Variants in SYNJ1 observed in about 807,000 individuals in gnomAD.
The protein encoded by SYNJ1 is polyphosphatidylinositol phosphatase SYNJ1.
Under a neutral mutation model 168.2 loss-of-function variants are expected in SYNJ1, and 78 were observed. The observed-to-expected ratio is 0.46, with a 90% CI of 0.39 to 0.56. The LOEUF (loss-of-function observed/expected upper bound fraction) is 0.56, where lower values mean the gene tolerates loss of function less well. SYNJ1 is among the 20% of genes least tolerant of loss of function. The pLI, the probability that SYNJ1 is intolerant of heterozygous loss-of-function variation, is 0.00. For synonymous variants in SYNJ1, 539 were observed against 548.6 expected (o/e 0.98, Z 0.24); for missense variants, 1,303 against 1,597.6 (o/e 0.82, Z 3.14).
chr21:32,676,387 C>G, intron 12 of SYNJ1, 32 bp from the exon 13 acceptor site: 1 of 1,601,588 alleles, frequency 6.2e-7, no homozygotes, highest in Non-Finnish European at 8.5e-7. Flanking sequence ...AACAAAGAAT[C>G]ATTAGTAAAA....
intron 16 of SYNJ1, 110 bp from the exon 17 acceptor site, chr21:32,666,245 AG>A: frequency 6.9e-7 from 1 of 1,445,818 alleles, no homozygotes; most frequent in Non-Finnish European, 9.3e-7. Flanking sequence ...TGGTACTTTG[AG>A]GGCAAGCCTT....
Position 32,665,011 on chromosome 21 carries a change from C to T in SYNJ1, c.2206G>A (p.Asp736Asn), listed in dbSNP as rs139455432. The T allele has an allele frequency of 1.1e-5, 17 of 1,613,210 alleles. No homozygotes were observed. The highest frequency in any genetic ancestry group is 5.3e-5 in the African/African-American group (4 of 74,872). Residue 736 changes from aspartate (D) to asparagine (N), a missense_variant, in exon 18 of 33, where the codon GAT becomes AAT. By Grantham distance (23) the Asp-to-Asn change is conservative (BLOSUM62 1). This residue lies in a region of SYNJ1 where 920 missense variants were observed against 1,208.8 expected (regional missense o/e 0.76). Transcript: ENST00000674351. ...FWCGDFNYRI[D>N]LPNEEVKELI... ...TCTTTAACTTCTTCGTTAGGGAGAT[C>T]GATTCGATAGTTGAAATCACCACAC... is the stretch of plus-strand genomic sequence containing the variant.
intron 2 of SYNJ1, among the ~76,000 whole-genome samples, chr21:32,713,981 T>G (rs1280262253): frequency 6.6e-6 from 1 of 152,244 alleles, no homozygotes; most frequent in Non-Finnish European, 1.5e-5. Flanking sequence ...CTCTCTGGTA[T>G]GCTAGTAATA....
At position 32,648,145 on chromosome 21, in the gene SYNJ1, C is replaced by T. The variant is rs1022665691; in HGVS notation, c.3038-1543G>A. Among the ~76,000 whole-genome samples, 3 of 152,152 alleles carry T rather than the reference C, an allele frequency of 2.0e-5. No homozygotes were observed. In the East Asian group the frequency reaches 5.8e-4, roughly 29 times the overall value. On this transcript the variant is annotated intron_variant, in intron 23 of 32. Transcript: ENST00000674351. Reference sequence around the variant, plus strand: ...TCAGTGACACTGCTCTACTATTCTGCCTTGCCCTTCCCCCAAACCATCAGC... The same window carrying T: ...TCAGTGACACTGCTCTACTATTCTGTCTTGCCCTTCCCCCAAACCATCAGC...
intron 6 of SYNJ1, among the ~76,000 whole-genome samples, chr21:32,693,158 A>G (rs1010550646): frequency 1.3e-5 from 2 of 152,246 alleles, no homozygotes; most frequent in Non-Finnish European, 2.9e-5. Flanking sequence ...TGTCCCTAAA[A>G]CAAAAGCATT....
Position 32,726,778 on chromosome 21 carries a change from C to G in SYNJ1, c.118G>C (p.Val40Leu), listed in dbSNP as rs2043475031. The G allele has an allele frequency of 6.2e-7, 1 of 1,614,120 alleles. No individual in the cohort carries two copies. The highest frequency in any genetic ancestry group is 1.3e-5 in the African/African-American group (1 of 75,028). Residue 40 changes from valine to leucine, a missense_variant, in exon 2 of 33, where the codon GTG (valine) becomes CTG (leucine). Physicochemically the swap from Val to Leu is conservative, Grantham distance 32. Around this residue, in one of 2 missense-constraint regions of SYNJ1, gnomAD observed 920 missense variants for 1,208.8 expected, o/e 0.76. Transcript: ENST00000674351. ...CLMFESGAVA[V>L]LSSAEKEAIK... is the part of the protein sequence containing the mutation. ...GCTCTAACAGATGACTTACAGAGCA[C>G]AGCGACAGCCCCAGACTCGAACATG...
At chr21:32,703,179 C>G (rs2042473753) in intron 2 of SYNJ1, among the ~76,000 whole-genome samples, 1 of 152,226 alleles carries the variant, frequency 6.6e-6, no homozygotes, top group South Asian at 2.1e-4. Context: ...CAGGCTAAGA[C>G]TAACTGACTC....
intron 25 of SYNJ1, 85 bp downstream of exon 25, chr21:32,645,561 G>C: frequency 7.1e-7 from 1 of 1,411,006 alleles, no homozygotes; most frequent in Non-Finnish European, 9.2e-7. Context: ...AAATCCAGAA[G>C]CTAGAGATTG....
At chr21:32,670,488 A>G (rs2041144545) in intron 14 of SYNJ1, 116 bp from the exon 15 acceptor site, 2 of 782,972 alleles carry the variant, frequency 2.6e-6, no homozygotes, top group Non-Finnish European at 4.0e-6. Flanking sequence ...TTTGAGTTTA[A>G]CCAAATTCAT....
In SYNJ1 at chr21:32,646,125, A is replaced by T. The variant is rs139834865; in HGVS notation, c.3247+268T>A. ...GAGAGAAGAAAAAGCTCAAATAGTT[A>T]ACGGGTTCATACCATAGAAAATCAT... On this transcript the variant is annotated intron_variant, in intron 24 of 32. Transcript: ENST00000674351. 4.5e-6 allele frequency: 3 copies of T among 672,310 alleles called. No homozygotes were observed. In the East Asian group the frequency reaches 8.7e-5, roughly 19 times the overall value. 41.6% of individuals were successfully genotyped at this position (672,310 alleles called of 1,614,324 possible). A position where few individuals can be genotyped will look rare whatever the true frequency, so the allele number is the denominator to read the frequency against.
At chr21:32,646,226 C>T (rs562819690) in intron 24 of SYNJ1, among the ~76,000 whole-genome samples, 167 bp downstream of exon 24, 1 of 152,326 alleles carries the variant, frequency 6.6e-6, no homozygotes, top group African/African-American at 2.4e-5. Flanking sequence ...ACAGTTATAG[C>T]AAGTTTCCTT....
intron 3 of SYNJ1, among the ~76,000 whole-genome samples, chr21:32,701,524 CT>C (rs2042398570): frequency 6.6e-6 from 1 of 151,400 alleles, no homozygotes; most frequent in East Asian, 1.9e-4. Context: ...TACTCTGCAG[CT>C]CACGGTGACA....
chr21:32,727,771 AACCAGTGGTCTGCTCAC>A, intron 1 of SYNJ1, 158 bp downstream of exon 1: 1 of 1,339,772 alleles, frequency 7.5e-7, no homozygotes, highest in Non-Finnish European at 9.8e-7. Context: ...CACCCCGCAC[AACCAGTGGTCTGCTCAC>A]AACCCCGCCC....
At chr21:32,717,645 T>C (rs1248087190) in intron 2 of SYNJ1, among the ~76,000 whole-genome samples, 1 of 152,216 alleles carries the variant, frequency 6.6e-6, no homozygotes, top group East Asian at 1.9e-4. Context: ...AAACATGAAC[T>C]ATTCCCAGCC....
chr21:32,716,600 G>A (rs1051162632), intron 2 of SYNJ1, among the ~76,000 whole-genome samples: 6 of 152,148 alleles, frequency 3.9e-5, no homozygotes, highest in African/African-American at 1.4e-4. Flanking sequence ...CTGTATCACT[G>A]GTAAACAGTA....
In SYNJ1 at chr21:32,678,816, A is replaced by T; in HGVS notation, c.1354-15T>A. ...CCATCTTTTAACTTTCCAGCCTGTT[A>T]AGAAAGGAGCGCAGATTTTCATTTT... On this transcript the variant is annotated splice_polypyrimidine_tract_variant and intron_variant, in intron 11 of 32. Transcript: ENST00000674351. 6.3e-7 allele frequency: 1 copy of T among 1,599,436 alleles called. No homozygotes were observed. The highest frequency in any genetic ancestry group is 8.5e-7 in the Non-Finnish European group (1 of 1,176,546).
chr21:32,649,252 G>A (rs927981590), intron 23 of SYNJ1, among the ~76,000 whole-genome samples: 3 of 152,156 alleles, frequency 2.0e-5, no homozygotes, highest in African/African-American at 2.4e-5. Context: ...CTGGCATAAA[G>A]GTACTACATA....
chr21:32,700,584 G>A (rs1419284529), intron 3 of SYNJ1, among the ~76,000 whole-genome samples: 1 of 152,150 alleles, frequency 6.6e-6, no homozygotes, highest in Non-Finnish European at 1.5e-5. Context: ...GAACCTGGAA[G>A]GTGGAGTCTG....
intron 29 of SYNJ1, among the ~76,000 whole-genome samples, chr21:32,640,979 G>A (rs1300832345): frequency 6.6e-6 from 1 of 152,148 alleles, no homozygotes; most frequent in Non-Finnish European, 1.5e-5. Flanking sequence ...GTGTGGTCAT[G>A]GGATCAGTGA....
Sources: gnomAD v4.1 joint callset for allele counts (sites outside exome capture counted in the v4.1 genomes callset) on GRCh38, gnomAD v4.1.1 for gene constraint, gnomAD v4.1.1 regional missense constraint, MANE v1.5 for transcripts, NCBI Gene and HGNC (gene_info 2026-07-23, HGNC 2026-07-21) for gene names.